METAP2: variants seen among roughly 807,000 people sequenced by gnomAD.
The protein encoded by METAP2 is methionine aminopeptidase 2.
In METAP2, 25 loss-of-function variants were observed where a neutral mutation model predicts 59.4. The observed-to-expected ratio is 0.42, with a 90% CI of 0.31 to 0.59. The LOEUF is 0.59. Among genes scored for constraint, METAP2 ranks in the 20% least tolerant of loss-of-function variants. METAP2 has a pLI of 0.16. For synonymous variants in METAP2, 214 were observed against 194.1 expected, an observed-to-expected ratio of 1.10 and a Z score of -0.85; for missense variants, 366 against 581.2, an observed-to-expected ratio of 0.63 and a Z score of 3.81.
intron 7 of METAP2, among the ~76,000 whole-genome samples, chr12:95,497,499 C>T (rs1243189628): frequency 3.3e-5 from 5 of 152,110 alleles, no homozygotes; most frequent in Non-Finnish European, 5.9e-5. Context: ...TGGATTGCTC[C>T]GATGTTTTAG....
chr12:95,494,977 C>T lies in METAP2; in HGVS notation c.611C>T (p.Ser204Leu). The T allele has an allele frequency of 6.2e-7, 1 of 1,613,094 alleles. No individual in the cohort carries two copies. ...IEICEKLEDC[S>L]RKLIKENGLN... ...TTTAGTGAAAAGTTGGAAGACTGTT[C>T]ACGCAAGTTAATAAAAGAGAATGGA... Residue 204 changes from serine (S) to leucine (L), a missense_variant, in exon 6 of 11, where the codon TCA (serine) becomes TTA (leucine). This residue lies in a region of METAP2 where 106 missense variants were observed against 221.9 expected (regional missense o/e 0.48). Coordinates refer to ENST00000323666, the MANE Select transcript of METAP2 (RefSeq NM_006838.4).
intron 3 of METAP2, 143 bp from the exon 4 acceptor site, chr12:95,485,736 A>G (rs2076191634): frequency 1.8e-6 from 1 of 570,838 alleles, no homozygotes; most frequent in South Asian, 2.7e-5. Flanking sequence ...AGCATGATGA[A>G]GTGTCTTCTG....
intron 2 of METAP2, among the ~76,000 whole-genome samples, chr12:95,477,878 G>A (rs1209158262): frequency 6.6e-6 from 1 of 152,172 alleles, no homozygotes; most frequent in African/African-American, 2.4e-5. Flanking sequence ...TTAAACCTCT[G>A]TTCTACATTG....
chr12:95,491,062 G>A (rs2076234231), intron 4 of METAP2, among the ~76,000 whole-genome samples: 1 of 147,146 alleles, frequency 6.8e-6, no homozygotes, highest in Non-Finnish European at 1.5e-5. Context: ...TTGACCTCTT[G>A]ATTAATGTGA....
chr12:95,475,393 A>G (rs1020811271), intron 1 of METAP2, among the ~76,000 whole-genome samples: 3 of 152,166 alleles, frequency 2.0e-5, no homozygotes, highest in African/African-American at 7.2e-5. Flanking sequence ...AAATTCAAAC[A>G]CTGCTGTTTG....
At chr12:95,512,987 A>C in intron 10 of METAP2, 71 bp downstream of exon 10, 1 of 888,298 alleles carries the variant, frequency 1.1e-6, no homozygotes, top group Non-Finnish European at 1.8e-6. Flanking sequence ...TTTCTAAAAA[A>C]TGTGGCATAC....
rs140890855 is a variant in METAP2 at position 95,510,821 on chromosome 12, T to C, written c.965-1074T>C. Among the ~76,000 whole-genome samples, 247 of 152,338 alleles carry C rather than the reference T, an allele frequency of 1.6e-3. 2 individuals carry two copies. The highest frequency in any genetic ancestry group is 5.4e-3 in the African/African-American group (225 of 41,574). On this transcript the variant is annotated intron_variant, in intron 8 of 10. Coordinates refer to ENST00000323666, the MANE Select transcript of METAP2 (RefSeq NM_006838.4). ...AAGGATTTTCATTTGCTTTTCTTTA[T>C]GTCTTTACTACCTAATTATGCATCC...
intron 2 of METAP2, among the ~76,000 whole-genome samples, chr12:95,482,371 C>T (rs902362672): frequency 6.6e-6 from 1 of 152,130 alleles, no homozygotes; most frequent in African/African-American, 2.4e-5. Context: ...CCTCAGCCTC[C>T]CAAAGTGCTA....
chr12:95,488,987 C>T (rs1272227089), intron 4 of METAP2, among the ~76,000 whole-genome samples: 1 of 152,040 alleles, frequency 6.6e-6, no homozygotes, highest in East Asian at 1.9e-4. Flanking sequence ...CTTGTCTTAT[C>T]CAATGTCATG....
chr12:95,484,684 G>C (rs1269298110), intron 3 of METAP2: 8 of 347,624 alleles, frequency 2.3e-5, no homozygotes, highest in Non-Finnish European at 4.4e-5. Flanking sequence ...TGAATGTACT[G>C]TTCATTATAT....
In METAP2 at chr12:95,513,894, A is replaced by T. The variant is rs1565788373; in HGVS notation, c.1427A>T (p.Asp476Val). The change falls in exon 11 of 11, where the codon GAT becomes GTT. Residue 476 changes from aspartate (D) to valine (V), a missense_variant. Physicochemically the swap from Asp to Val is radical, Grantham distance 152. Transcript: ENST00000323666. ...TGTAAAGAAGTTGTCAGCAGAGGAGATGACTATTAAACTTAGTCCAAAGCC... is the reference window on the plus strand; with the variant it reads ...TGTAAAGAAGTTGTCAGCAGAGGAGTTGACTATTAAACTTAGTCCAAAGCC... ...PTCKEVVSRG[D>V]DY 3 of 1,613,422 alleles carry T rather than the reference A, an allele frequency of 1.9e-6. No homozygotes were observed. Among genetic ancestry groups the T allele is most frequent in the Non-Finnish European group, 2.5e-6 (3 of 1,179,504 alleles).
intron 7 of METAP2, among the ~76,000 whole-genome samples, chr12:95,501,202 A>AT (rs2076312809): frequency 6.6e-6 from 1 of 151,914 alleles, no homozygotes; most frequent in African/African-American, 2.4e-5. Flanking sequence ...AATATTTTAA[A>AT]TTTTTTGTAG....
rs747487320 is a variant in METAP2 at position 95,504,169 on chromosome 12, C to G, written c.964+8C>G. 2 of 1,528,086 alleles carry G rather than the reference C, an allele frequency of 1.3e-6. No homozygotes were observed. Among genetic ancestry groups the G allele is most frequent in the South Asian group, 2.3e-5 (2 of 86,228 alleles). The allele number at this position is 1,528,086 out of a possible 1,614,324, so 94.7% of individuals were successfully genotyped here. A position where few individuals can be genotyped will look rare whatever the true frequency, so the allele number is the denominator to read the frequency against. On this transcript the variant is annotated splice_region_variant and intron_variant, in intron 8 of 10. Transcript: ENST00000323666. ...ATGGGAAGACATATCAAGGTATGTT[C>G]TTTTAAAATATATCTTATTTTGAAA...
At position 95,514,424 on chromosome 12, in the gene METAP2, T is replaced by C. The variant is rs1158066872; in HGVS notation, c.*520T>C. 1 of 152,656 alleles carries C rather than the reference T, an allele frequency of 6.6e-6. No homozygotes were observed. The highest frequency in any genetic ancestry group is 1.5e-5 in the Non-Finnish European group (1 of 68,278). 9.5% of individuals were successfully genotyped at this position (152,656 alleles called of 1,614,324 possible). A position where few individuals can be genotyped will look rare whatever the true frequency, so the allele number is the denominator to read the frequency against. ...TAATGTAGGCAAATGCAGAGACATT[T>C]ATCTGAAATGTAGACCTCTACACTG... is the stretch of plus-strand genomic sequence containing the variant. On this transcript the variant is annotated 3_prime_UTR_variant, in exon 11 of 11. Transcript: ENST00000323666.
chr12:95,487,305 G>A (rs527475930), intron 4 of METAP2, among the ~76,000 whole-genome samples: 1 of 151,142 alleles, frequency 6.6e-6, no homozygotes, highest in African/African-American at 2.4e-5. Flanking sequence ...TTCTTGGCCT[G>A]TAAAGACACC....
chr12:95,479,671 C>T (rs1040006001), intron 2 of METAP2, among the ~76,000 whole-genome samples: 1 of 151,262 alleles, frequency 6.6e-6, no homozygotes, highest in Admixed American at 6.6e-5. Context: ...TGCAGTGGCA[C>T]GATCTCAGCT....
At chr12:95,484,951 G>A in intron 3 of METAP2, 1 of 441,582 alleles carries the variant, frequency 2.3e-6, no homozygotes, top group Non-Finnish European at 4.5e-6. Flanking sequence ...TTTATATCCT[G>A]GTAGACTTCT....
chr12:95,479,808 C>T (rs2076145824), intron 2 of METAP2, among the ~76,000 whole-genome samples: 1 of 152,090 alleles, frequency 6.6e-6, no homozygotes, highest in South Asian at 2.1e-4. Context: ...AGGGTTTCAC[C>T]ATGTTGGCCA....
intron 8 of METAP2, 71 bp from the exon 9 acceptor site, chr12:95,511,824 C>A (rs1455856248): frequency 9.3e-7 from 1 of 1,071,922 alleles, no homozygotes; most frequent in Non-Finnish European, 1.4e-6. Flanking sequence ...AACTCTGTAC[C>A]AAAATGTAAG....
Sources: allele counts gnomAD v4.1 joint callset (sites outside exome capture counted in the v4.1 genomes callset), GRCh38; gene constraint gnomAD v4.1.1; regional missense constraint gnomAD v4.1.1; transcripts MANE v1.5; gene names NCBI Gene and HGNC (gene_info 2026-07-23, HGNC 2026-07-21).